Variants in PKIB observed in about 807,000 individuals in gnomAD.
PKIB encodes the protein cAMP-dependent protein kinase inhibitor beta.
PKIB carries 2 observed loss-of-function variants against 4.5 expected under a neutral mutation model. The observed-to-expected ratio is 0.44, with a 90% CI of 0.18 to 1.39. The LOEUF is 1.39. Ranked by LOEUF, PKIB falls within the 40% of genes most tolerant of loss-of-function variation. The pLI, the probability that PKIB is intolerant of heterozygous loss-of-function variation, is 0.27. For missense variants in PKIB, 94 were observed against 92.6 expected, an observed-to-expected ratio of 1.02 and a Z score of -0.06; for synonymous variants, 38 against 36.0, an observed-to-expected ratio of 1.06 and a Z score of -0.20.
chr6:122,724,310 A>G (rs1030442639), intron 4 of PKIB, among the ~76,000 whole-genome samples: 5 of 152,238 alleles, frequency 3.3e-5, no homozygotes, highest in Middle Eastern at 3.4e-3. Context: ...GCAAAAATGG[A>G]TAGGATGGGG....
chr6:122,531,190 A>T (rs958919278), intron 2 of PKIB: 3 of 152,190 alleles, frequency 2.0e-5, no homozygotes, highest in Non-Finnish European at 4.4e-5. Flanking sequence ...GAAAATATGT[A>T]TGTGAAATTT....
At chr6:122,721,999 T>G (rs1779764111) in intron 4 of PKIB, among the ~76,000 whole-genome samples, 1 of 152,234 alleles carries the variant, frequency 6.6e-6, no homozygotes, top group African/African-American at 2.4e-5. Context: ...GAAAGGGAAG[T>G]TTGATGTTGC....
intron 2 of PKIB, among the ~76,000 whole-genome samples, chr6:122,571,989 A>G (rs1386990716): frequency 6.6e-6 from 1 of 152,206 alleles, no homozygotes; most frequent in Non-Finnish European, 1.5e-5. Flanking sequence ...ACTGTCTTCA[A>G]GAGGCCCATC....
intron 2 of PKIB, among the ~76,000 whole-genome samples, chr6:122,563,688 C>T (rs1773098458): frequency 6.6e-6 from 1 of 151,988 alleles, no homozygotes; most frequent in African/African-American, 2.4e-5. Flanking sequence ...GAGTTGTGTA[C>T]CTAGGAAGAT....
At chr6:122,623,118 A>C (rs1775305692) in intron 1 of PKIB, among the ~76,000 whole-genome samples, 1 of 152,220 alleles carries the variant, frequency 6.6e-6, no homozygotes, top group Admixed American at 6.5e-5. Context: ...CCTGAATGTC[A>C]GAGTATTTGA....
At chr6:122,679,199 C>A (rs917610595) in intron 3 of PKIB, among the ~76,000 whole-genome samples, 3 of 152,170 alleles carry the variant, frequency 2.0e-5, no homozygotes, top group African/African-American at 7.2e-5. Context: ...CAGGAGGAAG[C>A]ACAAACGTGC....
At chr6:122,589,855 TA>T (rs1277575124) in intron 3 of PKIB, among the ~76,000 whole-genome samples, 3 of 152,210 alleles carry the variant, frequency 2.0e-5, no homozygotes. Context: ...ATTTAGTTAA[TA>T]ACAGGAAACC....
chr6:122,586,051 G>T (rs1244362417), intron 3 of PKIB: 1 of 152,060 alleles, frequency 6.6e-6, no homozygotes, highest in African/African-American at 2.4e-5. Context: ...ATGTTTATGT[G>T]CCTAGCAGCT....
chr6:122,580,495 C>CTCT lies in PKIB; in HGVS notation c.-247-5419_-247-5417dup, dbSNP rs200030008. ...CACCTATGTTATGCTTTTTCTCATTCTCTTCTTCTGTAAAGATTAACTGGC... is the reference window on the plus strand; with the variant it reads ...CACCTATGTTATGCTTTTTCTCATTCTCTTCTTCTTCTGTAAAGATTAACTGGC... On this transcript the variant is annotated intron_variant, in intron 2 of 6. Coordinates refer to the PKIB transcript ENST00000392491. Among the ~76,000 whole-genome samples, 323 of 152,178 alleles carry CTCT rather than the reference C, an allele frequency of 2.1e-3. 6 individuals carry two copies. The East Asian group carries it at 0.042, about 20-fold the overall frequency.
intron 1 of PKIB, among the ~76,000 whole-genome samples, chr6:122,616,394 A>G (rs1213005920): frequency 6.6e-6 from 1 of 152,178 alleles, no homozygotes; most frequent in African/African-American, 2.4e-5. Flanking sequence ...TGAGAAGGAA[A>G]TGGAAAGTAA....
At chr6:122,640,254 G>C (rs987654277) in intron 2 of PKIB, among the ~76,000 whole-genome samples, 2 of 151,994 alleles carry the variant, frequency 1.3e-5, no homozygotes, top group African/African-American at 2.4e-5. Flanking sequence ...ACCCACTAAC[G>C]TAAAAAGATC....
At chr6:122,481,960 A>AT (rs1554213567) in intron 2 of PKIB, 1 of 108,112 alleles carries the variant, frequency 9.2e-6, no homozygotes, top group Admixed American at 1.2e-4. Context: ...AGCAAAGGTA[A>AT]GTTTTGTTTT....
intron 2 of PKIB, among the ~76,000 whole-genome samples, chr6:122,580,065 T>C (rs1321788031): frequency 1.3e-5 from 2 of 152,198 alleles, no homozygotes; most frequent in Admixed American, 6.5e-5. Flanking sequence ...GAATTTTTAC[T>C]GAAATTATTT....
intron 3 of PKIB, among the ~76,000 whole-genome samples, chr6:122,597,274 AT>A (rs1467334975): frequency 6.6e-6 from 1 of 152,240 alleles, no homozygotes. Flanking sequence ...TCTGAATAAG[AT>A]TATGACATAA....
intron 2 of PKIB, chr6:122,483,898 T>A (rs1775691523): frequency 6.6e-6 from 1 of 152,250 alleles, no homozygotes; most frequent in South Asian, 2.1e-4. Flanking sequence ...TTGTATCTTT[T>A]TCTTCTCAAT....
intron 2 of PKIB, among the ~76,000 whole-genome samples, chr6:122,528,445 A>T (rs1324435203): frequency 6.6e-6 from 1 of 152,174 alleles, no homozygotes; most frequent in Non-Finnish European, 1.5e-5. Flanking sequence ...CATTTCTCAC[A>T]GTTCTGGAGG....
intron 3 of PKIB, among the ~76,000 whole-genome samples, chr6:122,695,446 T>G (rs1300411114): frequency 6.6e-6 from 1 of 152,114 alleles, no homozygotes; most frequent in Non-Finnish European, 1.5e-5. Flanking sequence ...TTTTCAAAAT[T>G]ATGCACATTA....
intron 2 of PKIB, among the ~76,000 whole-genome samples, chr6:122,574,434 C>T (rs1182513117): frequency 2.6e-5 from 4 of 152,008 alleles, no homozygotes; most frequent in Admixed American, 2.6e-4. Flanking sequence ...TATGGAATCA[C>T]AAAAGAGCCT....
chr6:122,596,169 G>T (rs925555633), intron 3 of PKIB, among the ~76,000 whole-genome samples: 1 of 152,216 alleles, frequency 6.6e-6, no homozygotes, highest in African/African-American at 2.4e-5. Flanking sequence ...TGGGAAGATT[G>T]CCCTTCACCA....
Sources: allele counts gnomAD v4.1 joint callset (sites outside exome capture counted in the v4.1 genomes callset), GRCh38; gene constraint gnomAD v4.1.1; transcripts MANE v1.5; gene names NCBI Gene and HGNC (gene_info 2026-07-23, HGNC 2026-07-21).